The following PBX1 variants were observed in gnomAD, a reference collection of about 807,000 sequenced individuals.
PBX1 encodes the protein pre-B-cell leukemia transcription factor 1.
A neutral mutation model predicts 53.4 loss-of-function variants in PBX1; 6 were observed. The observed-to-expected ratio is 0.11, with a 90% CI of 0.06 to 0.22. PBX1 has a LOEUF of 0.22. Among genes scored for constraint, PBX1 ranks in the 10% least tolerant of loss-of-function variants. The probability of loss-of-function intolerance (pLI) is 1.00; values close to 1 mark genes in which losing one functional copy is unlikely to be tolerated. For synonymous variants in PBX1, 204 were observed against 212.3 expected (o/e 0.96, Z 0.34); for missense variants, 251 against 551.4 (o/e 0.46, Z 5.46).
At chr1:164,789,924 G>A (rs1014718470) in intron 2 of PBX1, among the ~76,000 whole-genome samples, 1 of 152,088 alleles carries the variant, frequency 6.6e-6, no homozygotes, top group Non-Finnish European at 1.5e-5. Flanking sequence ...GAATAATCGA[G>A]CTAAAGTGAA....
intron 2 of PBX1, among the ~76,000 whole-genome samples, chr1:164,577,163 C>T (rs376939352): frequency 1.3e-5 from 2 of 152,204 alleles, no homozygotes; most frequent in Non-Finnish European, 2.9e-5. Flanking sequence ...GAAACCCTCC[C>T]GTCTTTTCTG....
At chr1:164,708,029 T>G (rs1039709140) in intron 2 of PBX1, among the ~76,000 whole-genome samples, 1 of 152,150 alleles carries the variant, frequency 6.6e-6, no homozygotes, top group African/African-American at 2.4e-5. Flanking sequence ...TTTGATGGCC[T>G]GGATTTTGCT....
At chr1:164,866,997 C>G (rs1273299883) in intron 2 of PBX1, among the ~76,000 whole-genome samples, 2 of 152,088 alleles carry the variant, frequency 1.3e-5, no homozygotes, top group Non-Finnish European at 2.9e-5. Flanking sequence ...CTAAGAAACC[C>G]TCTATAGAGA....
intron 2 of PBX1, among the ~76,000 whole-genome samples, chr1:164,688,321 A>G (rs1282768308): frequency 6.6e-6 from 1 of 152,190 alleles, no homozygotes; most frequent in East Asian, 1.9e-4. Flanking sequence ...AAGTAGAGAG[A>G]GTTTCTGATG....
At chr1:164,770,947 C>T (rs1157114169) in intron 2 of PBX1, 1 of 152,114 alleles carries the variant, frequency 6.6e-6, no homozygotes, top group Non-Finnish European at 1.5e-5. Context: ...CAGCATTCTC[C>T]TGATTCTGTT....
At chr1:164,626,045 A>AC in intron 2 of PBX1, 1 of 1,039,486 alleles carries the variant, frequency 9.6e-7, no homozygotes, top group Non-Finnish European at 1.2e-6. Flanking sequence ...GAACCCCGTT[A>AC]CCCCCCAGCC....
intron 4 of PBX1, among the ~76,000 whole-genome samples, chr1:164,806,948 A>G (rs972130039): frequency 7.2e-5 from 11 of 152,274 alleles, no homozygotes; most frequent in Admixed American, 2.0e-4. Flanking sequence ...GCTGATATTC[A>G]ATTGACCGAG....
chr1:164,736,387 T>G (rs1264424061), intron 2 of PBX1, among the ~76,000 whole-genome samples: 1 of 152,128 alleles, frequency 6.6e-6, no homozygotes, highest in African/African-American at 2.4e-5. Context: ...GCGACGGCTG[T>G]CAGCTCCACT....
chr1:164,781,768 T>C (rs941453528), intron 2 of PBX1, among the ~76,000 whole-genome samples: 2 of 152,192 alleles, frequency 1.3e-5, no homozygotes, highest in East Asian at 3.9e-4. Flanking sequence ...GAGGCCCCTC[T>C]AATGACCAAG....
intron 2 of PBX1, among the ~76,000 whole-genome samples, chr1:164,608,276 G>T (rs1439012240): frequency 6.6e-6 from 1 of 152,190 alleles, no homozygotes; most frequent in Admixed American, 6.5e-5. Context: ...AATGTTGAAT[G>T]GTTAAAGGAA....
Position 164,822,192 on chromosome 1 carries a change from G to A in PBX1, c.1200+566G>A, listed in dbSNP as rs536528573. Among the ~76,000 whole-genome samples the A allele has an allele frequency of 4.6e-5, 7 of 152,134 alleles. No individual in the cohort carries two copies. In the South Asian group the frequency reaches 1.5e-3, roughly 32 times the overall value. On this transcript the variant is annotated intron_variant, in intron 8 of 8. Coordinates refer to ENST00000420696, the MANE Select transcript of PBX1 (RefSeq NM_002585.4). ...AAAATTCATAGCGACAAGCTATGTC[G>A]CACAGAGTGAAATCGATCAGACAGA...
chr1:164,780,132 T>C, intron 2 of PBX1, among the ~76,000 whole-genome samples: 1 of 152,020 alleles, frequency 6.6e-6, no homozygotes, highest in East Asian at 1.9e-4. Flanking sequence ...AGTGGGGGGC[T>C]CCATCTCCAG....
intron 2 of PBX1, among the ~76,000 whole-genome samples, chr1:164,646,502 G>A (rs1659461448): frequency 6.6e-6 from 1 of 152,124 alleles, no homozygotes; most frequent in Admixed American, 6.5e-5. Flanking sequence ...CCAAAGACCT[G>A]TGGATGCTTC....
At chr1:164,593,707 T>G (rs181836358) in intron 2 of PBX1, among the ~76,000 whole-genome samples, 149 of 152,376 alleles carry the variant, frequency 9.8e-4, no homozygotes, top group African/African-American at 3.4e-3. Context: ...TAGTTTTCAC[T>G]GGGTTGAAAA....
intron 8 of PBX1, 69 bp downstream of exon 8, chr1:164,821,695 T>C: frequency 3.3e-6 from 4 of 1,226,824 alleles, no homozygotes; most frequent in Non-Finnish European, 4.8e-6. Context: ...TTCAAAGCCA[T>C]AGGGCCCAGA....
intron 3 of PBX1, among the ~76,000 whole-genome samples, chr1:164,798,297 G>A (rs1029111686): frequency 1.3e-5 from 2 of 152,210 alleles, no homozygotes; most frequent in African/African-American, 2.4e-5. Flanking sequence ...AATAACGAGC[G>A]TGTTTCTGCT....
chr1:164,670,875 C>G (rs773281251), intron 2 of PBX1, among the ~76,000 whole-genome samples: 3 of 152,168 alleles, frequency 2.0e-5, no homozygotes, highest in Non-Finnish European at 4.4e-5. Flanking sequence ...TCCCTGCGCC[C>G]GTGTGCACTT....
intron 2 of PBX1, among the ~76,000 whole-genome samples, chr1:164,742,341 A>G (rs1480163903): frequency 2.0e-5 from 3 of 152,152 alleles, no homozygotes; most frequent in Admixed American, 2.0e-4. Context: ...CAGGAGTTCA[A>G]GACCAGCCTG....
intron 2 of PBX1, among the ~76,000 whole-genome samples, chr1:164,571,873 G>GTATA (rs59338120): frequency 0.061 from 1,816 of 29,772 alleles, 99 homozygotes; most frequent in Non-Finnish European, 0.075. Flanking sequence ...TCTGTACATT[G>GTATA]TATATATATA....
Sources: gnomAD v4.1 joint callset for allele counts (sites outside exome capture counted in the v4.1 genomes callset) on GRCh38, gnomAD v4.1.1 for gene constraint, MANE v1.5 for transcripts, NCBI Gene and HGNC (gene_info 2026-07-23, HGNC 2026-07-21) for gene names.